Variants in ZNF597 observed in about 807,000 individuals in gnomAD.
ZNF597 encodes zinc finger protein 597.
Under a neutral mutation model 7.3 loss-of-function variants are expected in ZNF597, and 5 were observed. The observed-to-expected ratio is 0.68, with a 90% CI of 0.36 to 1.44. The LOEUF is 1.44. ZNF597 is among the 40% of genes most tolerant of loss of function. ZNF597 has a pLI of 0.04. For missense variants in ZNF597, 585 were observed against 517.9 expected, an observed-to-expected ratio of 1.13 and a Z score of -1.26; for synonymous variants, 209 against 185.4, an observed-to-expected ratio of 1.13 and a Z score of -1.04.
chr16:3,440,707 G>A (rs2034357868), intron 3 of ZNF597, 100 bp downstream of exon 3: 2 of 1,443,792 alleles, frequency 1.4e-6, no homozygotes, highest in African/African-American at 1.4e-5. Flanking sequence ...AATTACTGAG[G>A]GACAGGTCCC....
In ZNF597 at chr16:3,436,771, ATAAGGACTG is replaced by A; in HGVS notation, c.919_927del (p.Gln307_Leu309del). 1 of 1,613,694 alleles carries A rather than the reference ATAAGGACTG, an allele frequency of 6.2e-7. No homozygotes were observed. The highest frequency in any genetic ancestry group is 8.5e-7 in the Non-Finnish European group (1 of 1,180,036). The stretch of plus-strand genomic sequence containing the variant: ...TGGCTCTTCTCGGAAAGGGCAGGAT[ATAAGGACTG>A]CCTGAAGCTCTTCATGCACTTAGTG... On this transcript the variant is annotated inframe_deletion, in exon 4 of 4. Coordinates refer to ENST00000301744, the MANE Select transcript of ZNF597 (RefSeq NM_152457.3).
At position 3,443,076 on chromosome 16, in the gene ZNF597, C is replaced by A; in HGVS notation, c.33+45G>T. The A allele has an allele frequency of 2.5e-6, 4 of 1,613,746 alleles. No individual in the cohort carries two copies. In the South Asian group the frequency reaches 4.4e-5, roughly 18 times the overall value. ...TCCAAAGGAGGGGGTCAGGCAGAGA[C>A]CGAAAGCAGCAATAAACTTGGACGA... is the stretch of plus-strand genomic sequence containing the variant. On this transcript the variant is annotated intron_variant, in intron 2 of 3. Coordinates refer to ENST00000301744, the MANE Select transcript of ZNF597 (RefSeq NM_152457.3).
In ZNF597 at chr16:3,435,205, A is replaced by G. The variant is rs906535040; in HGVS notation, c.*1219T>C. 6.6e-6 allele frequency: 1 copy of G among 152,228 alleles called. No homozygotes were observed. The highest frequency in any genetic ancestry group is 1.5e-5 in the Non-Finnish European group (1 of 68,038). 9.4% of individuals were successfully genotyped at this position (152,228 alleles called of 1,614,324 possible). ...CAAGTGTGAAATCTCTCATCTGATTAGAGGGACAAGAATTCAAACCTGAAG... is the reference window on the plus strand; with the variant it reads ...CAAGTGTGAAATCTCTCATCTGATTGGAGGGACAAGAATTCAAACCTGAAG... On this transcript the variant is annotated 3_prime_UTR_variant, in exon 4 of 4. Transcript: ENST00000301744.
At chr16:3,438,650 G>A (rs1379988331) in intron 3 of ZNF597, among the ~76,000 whole-genome samples, 2 of 152,138 alleles carry the variant, frequency 1.3e-5, no homozygotes, top group East Asian at 1.9e-4. Context: ...AGAAACACAC[G>A]GGTTATCAGA....
At chr16:3,441,917 T>G (rs952687391) in intron 2 of ZNF597, among the ~76,000 whole-genome samples, 1 of 151,126 alleles carries the variant, frequency 6.6e-6, no homozygotes, top group African/African-American at 2.4e-5. Flanking sequence ...GAGGCAGAGA[T>G]TGCAGTGAGC....
rs999737101 is a variant in ZNF597 at position 3,443,354 on chromosome 16, A to G, written c.-54+6T>C. ...CTTGGCCCGGCCTCGAAAGGGGCCC[A>G]CTTACCGCTCCGCGGTTAATAACAG... On this transcript the variant is annotated splice_donor_region_variant and intron_variant, in intron 1 of 3. Transcript: ENST00000301744. 1 of 585,920 alleles carries G rather than the reference A, an allele frequency of 1.7e-6. No individual in the cohort carries two copies. The highest frequency in any genetic ancestry group is 2.9e-6 in the Non-Finnish European group (1 of 343,238). 36.3% of individuals were successfully genotyped at this position (585,920 alleles called of 1,614,324 possible).
At position 3,435,788 on chromosome 16, in the gene ZNF597, A is replaced by C. The variant is rs1351890065; in HGVS notation, c.*636T>G. On this transcript the variant is annotated 3_prime_UTR_variant, in exon 4 of 4. Transcript: ENST00000301744. ...CAGTTAGACTTCCAAAACTCCTTGC[A>C]AACAATTGGGTCCTAAATGCCAGTA... The C allele has an allele frequency of 6.6e-6, 1 of 152,212 alleles. No individual in the cohort carries two copies. Among genetic ancestry groups the C allele is most frequent in the Non-Finnish European group, 1.5e-5 (1 of 68,066 alleles). 9.4% of individuals were successfully genotyped at this position (152,212 alleles called of 1,614,324 possible). A position where few individuals can be genotyped will look rare whatever the true frequency, so the allele number is the denominator to read the frequency against.
intron 3 of ZNF597, among the ~76,000 whole-genome samples, chr16:3,438,013 G>A: frequency 6.6e-6 from 1 of 152,092 alleles, no homozygotes. Context: ...CATCACTTGA[G>A]GCTAGGAGTT....
In ZNF597 at chr16:3,436,479, T is replaced by C; in HGVS notation, c.1220A>G (p.Lys407Arg). 1 of 1,614,222 alleles carries C rather than the reference T, an allele frequency of 6.2e-7. No homozygotes were observed. Among genetic ancestry groups the C allele is most frequent in the Non-Finnish European group, 8.5e-7 (1 of 1,180,028 alleles). The stretch of plus-strand genomic sequence containing the variant: ...ATGAGTAATGAGATGCAAATTCGAC[T>C]TGAAAGTTTTCCCACACACGGTACA... ...FKCTVCGKTFKSNLHLITHKR... is the reference protein window; with the variant it reads ...FKCTVCGKTFRSNLHLITHKR... The change falls in exon 4 of 4, where the codon AAG (lysine) becomes AGG (arginine). Residue 407 changes from lysine (K) to arginine (R), a missense_variant. Physicochemically the swap from Lys to Arg is conservative, Grantham distance 26. Coordinates refer to ENST00000301744, the MANE Select transcript of ZNF597 (RefSeq NM_152457.3).
chr16:3,441,523 C>G, intron 2 of ZNF597, among the ~76,000 whole-genome samples: 1 of 151,938 alleles, frequency 6.6e-6, no homozygotes, highest in African/African-American at 2.4e-5. Context: ...TCTGTCTGCA[C>G]TAAATACAAA....
chr16:3,440,535 G>A (rs1414584941), intron 3 of ZNF597, among the ~76,000 whole-genome samples: 1 of 152,156 alleles, frequency 6.6e-6, no homozygotes, highest in Non-Finnish European at 1.5e-5. Context: ...TCGGGAGGCT[G>A]AGGCAGGAGA....
chr16:3,441,067 G>A, intron 2 of ZNF597, 134 bp from the exon 3 acceptor site: 1 of 1,243,666 alleles, frequency 8.0e-7, no homozygotes, highest in Non-Finnish European at 1.1e-6. Flanking sequence ...CTTGAGCGCA[G>A]AAGTAGGGCA....
rs1214434919 is a variant in ZNF597, at chr16:3,433,987, A to T, written c.*2437T>A. ...ATCTGGAGAAAACTGCAAAAAAAAA[A>T]ATTAGAGGTTAATTGTGAAGGAAGA... is the stretch of plus-strand genomic sequence containing the variant. On this transcript the variant is annotated 3_prime_UTR_variant, in exon 4 of 4. Coordinates refer to ENST00000301744, the MANE Select transcript of ZNF597 (RefSeq NM_152457.3). 3.3e-5 allele frequency: 5 copies of T among 152,216 alleles called. No homozygotes were observed. Among genetic ancestry groups the T allele is most frequent in the Admixed American group, 6.5e-5 (1 of 15,278 alleles). The allele number at this position is 152,216 out of a possible 1,614,324, so 9.4% of individuals were successfully genotyped here.
In ZNF597 at chr16:3,434,528, GTCTCAACT is replaced by G. The variant is rs2034282394; in HGVS notation, c.*1888_*1895del. On this transcript the variant is annotated 3_prime_UTR_variant, in exon 4 of 4. Transcript: ENST00000301744. ...ACCTTGACATACAGAGCAGCACATT[GTCTCAACT>G]GTGGATCTGCAAACAAGAAACAAGA... 1 of 152,174 alleles carries G rather than the reference GTCTCAACT, an allele frequency of 6.6e-6. No individual in the cohort carries two copies. The highest frequency in any genetic ancestry group is 2.4e-5 in the African/African-American group (1 of 41,420). 9.4% of individuals were successfully genotyped at this position (152,174 alleles called of 1,614,324 possible).
intron 3 of ZNF597, 43 bp downstream of exon 3, chr16:3,440,764 G>T: frequency 1.2e-6 from 2 of 1,609,678 alleles, no homozygotes; most frequent in Non-Finnish European, 1.7e-6. Flanking sequence ...TCTCCTCCTA[G>T]AATTGACAAA....
rs2034315514 is a variant in ZNF597 at position 3,437,338 on chromosome 16, C to T, written c.361G>A (p.Val121Ile). 1 of 1,614,126 alleles carries T rather than the reference C, an allele frequency of 6.2e-7. No individual in the cohort carries two copies. Among genetic ancestry groups the T allele is most frequent in the South Asian group, 1.1e-5 (1 of 91,080 alleles). Residue 121 changes from valine to isoleucine, a missense_variant, in exon 4 of 4, where the codon GTT becomes ATT. Coordinates refer to ENST00000301744, the MANE Select transcript of ZNF597 (RefSeq NM_152457.3). ...AATGGGGTGTGGTTTTCAATGGTAA[C>T]TAAAAGGCTGATGACCCTTCTCTTG... Reference protein sequence around the residue: ...TYKRRVISLLVTIENHTPLVE... With the variant: ...TYKRRVISLLITIENHTPLVE...
rs1436701334 is a variant in ZNF597, at chr16:3,443,478, C to T, written c.-172G>A. ...GCAAAACTCCCACGCTCTCATGCTC[C>T]TTTACGCAGGAGCTGCGGGAAAAGC... On this transcript the variant is annotated 5_prime_UTR_variant, in exon 1 of 4. Coordinates refer to ENST00000301744, the MANE Select transcript of ZNF597 (RefSeq NM_152457.3). The T allele has an allele frequency of 2.3e-5, 12 of 522,224 alleles. No individual in the cohort carries two copies. The highest frequency in any genetic ancestry group is 5.8e-5 in the South Asian group (2 of 34,590). The allele number at this position is 522,224 out of a possible 1,614,324, so 32.3% of individuals were successfully genotyped here.
At chr16:3,439,785 A>G (rs575815518) in intron 3 of ZNF597, among the ~76,000 whole-genome samples, 33 of 152,328 alleles carry the variant, frequency 2.2e-4, no homozygotes, top group Admixed American at 1.2e-3. Flanking sequence ...CCCAGGAAGT[A>G]AAGAAAATAT....
At position 3,437,347 on chromosome 16, in the gene ZNF597, T is replaced by G; in HGVS notation, c.352A>C (p.Ser118Arg). The change falls in exon 4 of 4, where the codon AGC (serine) becomes CGC (arginine). Residue 118 changes from serine (S) to arginine (R), a missense_variant. Transcript: ENST00000301744. ...GTPTYKRRVI[S>R]LLVTIENHTP... Reference sequence around the variant, plus strand: ...TGGTTTTCAATGGTAACTAAAAGGCTGATGACCCTTCTCTTGTAAGTGGGA... The same window carrying G: ...TGGTTTTCAATGGTAACTAAAAGGCGGATGACCCTTCTCTTGTAAGTGGGA... The G allele has an allele frequency of 6.2e-7, 1 of 1,614,202 alleles. No individual in the cohort carries two copies. Among genetic ancestry groups the G allele is most frequent in the Non-Finnish European group, 8.5e-7 (1 of 1,180,042 alleles).
Sources: gnomAD v4.1 joint callset for allele counts (sites outside exome capture counted in the v4.1 genomes callset) on GRCh38, gnomAD v4.1.1 for gene constraint, MANE v1.5 for transcripts, NCBI Gene and HGNC (gene_info 2026-07-23, HGNC 2026-07-21) for gene names.